The following PSPC1 variants were observed in gnomAD, a reference collection of about 807,000 sequenced individuals.
PSPC1 encodes the protein paraspeckle component 1.
In PSPC1, 14 loss-of-function variants were observed where a neutral mutation model predicts 51.6. That is an observed-to-expected ratio of 0.27 (90% confidence interval 0.18 to 0.42). The LOEUF (loss-of-function observed/expected upper bound fraction) is 0.42, where lower values mean the gene tolerates loss of function less well. PSPC1 is among the 10% of genes least tolerant of loss of function. The pLI is 1.00. For missense variants in PSPC1, 406 were observed against 701.1 expected, an observed-to-expected ratio of 0.58 and a Z score of 4.75; for synonymous variants, 193 against 231.9, an observed-to-expected ratio of 0.83 and a Z score of 1.53.
intron 4 of PSPC1, among the ~76,000 whole-genome samples, chr13:19,750,664 T>C (rs2138121306): frequency 6.6e-6 from 1 of 152,228 alleles, no homozygotes; most frequent in African/African-American, 2.4e-5. Flanking sequence ...CCTACCAAAA[T>C]TTGCCTGCTA....
downstream of PSPC1, among the ~76,000 whole-genome samples, chr13:19,700,501 A>C (rs1879769368): frequency 6.6e-6 from 1 of 152,178 alleles, no homozygotes; most frequent in Non-Finnish European, 1.5e-5. Flanking sequence ...ATTTTGCAAA[A>C]ACACAAGTGA....
Position 19,726,310 on chromosome 13 carries a change from T to C in PSPC1, c.1158+3929A>G, listed in dbSNP as rs902042929. ...TCATTTCAATACAAGGCCAGTAGTTTTGAATCTTCGCTACCAAAAAGAAAT... is the reference window on the plus strand; with the variant it reads ...TCATTTCAATACAAGGCCAGTAGTTCTGAATCTTCGCTACCAAAAAGAAAT... On this transcript the variant is annotated intron_variant, in intron 6 of 8. Transcript: ENST00000338910. Among the ~76,000 whole-genome samples the C allele has an allele frequency of 2.0e-5, 3 of 152,224 alleles. 1 individual carries two copies. The highest frequency in any genetic ancestry group is 4.8e-5 in the African/African-American group (2 of 41,464).
intron 1 of PSPC1, among the ~76,000 whole-genome samples, chr13:19,773,310 C>A (rs1888795668): frequency 7.0e-6 from 1 of 143,870 alleles, no homozygotes; most frequent in South Asian, 2.2e-4. Context: ...AGTACAATGG[C>A]GTAATCTCGG....
At chr13:19,676,665 G>A (rs1156353870) in intron 7 of PSPC1, among the ~76,000 whole-genome samples, 1 of 152,106 alleles carries the variant, frequency 6.6e-6, no homozygotes, top group Non-Finnish European at 1.5e-5. Context: ...GAAGCTCTCA[G>A]GCAACACTGT....
chr13:19,699,771 A>C (rs893403096), downstream of PSPC1, among the ~76,000 whole-genome samples: 2 of 152,076 alleles, frequency 1.3e-5, no homozygotes, highest in Non-Finnish European at 2.9e-5. Flanking sequence ...GAAAACATGA[A>C]TAACTGTTGA....
intron 6 of PSPC1, among the ~76,000 whole-genome samples, chr13:19,687,285 A>G (rs1432913857): frequency 6.6e-6 from 1 of 152,152 alleles, no homozygotes; most frequent in African/African-American, 2.4e-5. Flanking sequence ...TAACTCATCA[A>G]TGCAACTGCA....
chr13:19,723,500 A>G (rs1022247456), intron 6 of PSPC1, among the ~76,000 whole-genome samples: 1 of 152,232 alleles, frequency 6.6e-6, no homozygotes, highest in Admixed American at 6.5e-5. Context: ...TGTAGGAAGT[A>G]TTTTAATAGT....
At chr13:19,710,164 C>T (rs1881210958) in intron 6 of PSPC1, among the ~76,000 whole-genome samples, 1 of 152,012 alleles carries the variant, frequency 6.6e-6, no homozygotes, top group African/African-American at 2.4e-5. Flanking sequence ...TATAGATAGC[C>T]CACACAAGCA....
intron 6 of PSPC1, among the ~76,000 whole-genome samples, chr13:19,712,890 G>T (rs1161005507): frequency 6.6e-6 from 1 of 152,106 alleles, no homozygotes; most frequent in East Asian, 1.9e-4. Context: ...AGGGGCAAAA[G>T]AAATTTTCAG....
chr13:19,689,687 G>C (rs1432782406), intron 6 of PSPC1, among the ~76,000 whole-genome samples: 1 of 152,150 alleles, frequency 6.6e-6, no homozygotes, highest in African/African-American at 2.4e-5. Flanking sequence ...ATAAAACAGA[G>C]AGCCCAGGAT....
intron 6 of PSPC1, chr13:19,678,139 C>T (rs1424065627): frequency 3.6e-6 from 1 of 275,660 alleles, no homozygotes; most frequent in Admixed American, 5.1e-5. Flanking sequence ...TGGCTAAGTC[C>T]CTCCTTATTT....
intron 1 of PSPC1, among the ~76,000 whole-genome samples, chr13:19,777,038 C>A (rs959315112): frequency 6.7e-6 from 1 of 148,288 alleles, no homozygotes; most frequent in Admixed American, 6.8e-5. Context: ...GAGTGAGAAT[C>A]GCTTGAACCT....
chr13:19,691,104 T>C (rs1361006562), intron 6 of PSPC1, among the ~76,000 whole-genome samples: 7 of 152,226 alleles, frequency 4.6e-5, no homozygotes, highest in South Asian at 4.1e-4. Flanking sequence ...AACACTTTAA[T>C]TGGTACTAAA....
At chr13:19,773,043 C>G (rs1025267164) in intron 1 of PSPC1, among the ~76,000 whole-genome samples, 2 of 151,794 alleles carry the variant, frequency 1.3e-5, no homozygotes, top group Non-Finnish European at 2.9e-5. Flanking sequence ...GTGCCTTAAT[C>G]CCAACTACCT....
downstream of PSPC1, among the ~76,000 whole-genome samples, chr13:19,701,481 T>C (rs548922848): frequency 1.3e-5 from 2 of 152,248 alleles, no homozygotes; most frequent in East Asian, 3.9e-4. Context: ...TTGACTATTA[T>C]TTTACAATCT....
intron 6 of PSPC1, among the ~76,000 whole-genome samples, chr13:19,723,185 T>C (rs1247469073): frequency 1.3e-5 from 2 of 152,154 alleles, no homozygotes; most frequent in African/African-American, 4.8e-5. Context: ...AAGAAACACA[T>C]GACCTGAGTC....
At chr13:19,695,921 A>ACT (rs1490418803) in intron 6 of PSPC1, among the ~76,000 whole-genome samples, 1 of 152,010 alleles carries the variant, frequency 6.6e-6, no homozygotes, top group African/African-American at 2.4e-5. Context: ...AAAAAGTCTT[A>ACT]CTCTCATTAG....
downstream of PSPC1, among the ~76,000 whole-genome samples, chr13:19,698,115 ATCAGAGATCCAG>A (rs1879462752): frequency 6.6e-6 from 1 of 152,072 alleles, no homozygotes; most frequent in South Asian, 2.1e-4. Context: ...GAAAGAATGT[ATCAGAGATCCAG>A]TCAGAGAGAA....
chr13:19,740,297 C>G (rs1361603880), intron 5 of PSPC1, among the ~76,000 whole-genome samples: 2 of 151,496 alleles, frequency 1.3e-5, no homozygotes, highest in African/African-American at 4.9e-5. Context: ...GAGCCGAGAT[C>G]GCGCCATTGC....
Sources: allele counts gnomAD v4.1 joint callset (sites outside exome capture counted in the v4.1 genomes callset), GRCh38; gene constraint gnomAD v4.1.1; transcripts MANE v1.5; gene names NCBI Gene and HGNC (gene_info 2026-07-23, HGNC 2026-07-21).